Variants in CD96 observed in about 807,000 individuals in gnomAD.
CD96 encodes the protein T-cell surface protein tactile.
CD96 carries 70 observed loss-of-function variants against 71.3 expected under a neutral mutation model. That is an observed-to-expected ratio of 0.98 (90% CI 0.81 to 1.20). The LOEUF (loss-of-function observed/expected upper bound fraction) is 1.20. Among genes scored for constraint, CD96 ranks in the 50% most tolerant of loss-of-function variants. The pLI is 0.00. For missense variants in CD96, 742 were observed against 677.5 expected (o/e 1.10, Z -1.06); for synonymous variants, 248 against 233.0 (o/e 1.06, Z -0.59).
intron 10 of CD96, chr3:111,633,615 T>G (rs982213464): frequency 1.3e-5 from 2 of 152,264 alleles, no homozygotes; most frequent in African/African-American, 4.8e-5. Flanking sequence ...TCCCCATGGT[T>G]AAGGCATAAG....
At chr3:111,569,849 A>AC (rs1196980332) in intron 3 of CD96, among the ~76,000 whole-genome samples, 2 of 152,088 alleles carry the variant, frequency 1.3e-5, no homozygotes, top group Non-Finnish European at 2.9e-5. Context: ...ATCAATCGCT[A>AC]CCCCCAATCC....
intron 4 of CD96, among the ~76,000 whole-genome samples, chr3:111,579,731 A>G (rs1457052616): frequency 6.6e-6 from 1 of 151,884 alleles, no homozygotes; most frequent in Non-Finnish European, 1.5e-5. Flanking sequence ...TCCCATTATA[A>G]CTCATGACTC....
Position 111,579,084 on chromosome 3 carries a change from A to G in CD96, c.601A>G (p.Thr201Ala), listed in dbSNP as rs374979445. 26 of 1,608,774 alleles carry G rather than the reference A, an allele frequency of 1.6e-5. No homozygotes were observed. The highest frequency in any genetic ancestry group is 1.0e-4 in the Admixed American group (6 of 60,002). ...CCAAAATCACCTCATCAGCAATTCC[A>G]CATTACTTAAAGATAGAGTCAAGCT... The part of the protein sequence containing the change: ...ISQNHLISNS[T>A]LLKDRVKLGT... The change falls in exon 4 of 14, where the codon ACA (threonine) becomes GCA (alanine). Residue 201 changes from threonine (T) to alanine (A), a missense_variant. Transcript: ENST00000352690.
In CD96 at chr3:111,582,366, G is replaced by A. The variant is rs555205952; in HGVS notation, c.752-2957G>A. Among the ~76,000 whole-genome samples the A allele has an allele frequency of 2.0e-5, 3 of 152,300 alleles. No individual in the cohort carries two copies. The South Asian group carries it at 6.2e-4, about 32-fold the overall frequency. Reference sequence around the variant, plus strand: ...TTCTGTTCAACACGATGTACTTAATGTCTAGTTTGTGCTGGGCAGTTAAGT... The same window carrying A: ...TTCTGTTCAACACGATGTACTTAATATCTAGTTTGTGCTGGGCAGTTAAGT... On this transcript the variant is annotated intron_variant, in intron 4 of 13. Coordinates refer to ENST00000352690, the MANE Select transcript of CD96 (RefSeq NM_005816.5).
intron 2 of CD96, among the ~76,000 whole-genome samples, chr3:111,547,316 C>G (rs912144178): frequency 2.6e-5 from 4 of 152,114 alleles, no homozygotes; most frequent in African/African-American, 9.7e-5. Flanking sequence ...AAATATGAGC[C>G]CTGCTCCTTC....
At chr3:111,622,567 T>C (rs1233660007) in intron 8 of CD96, among the ~76,000 whole-genome samples, 1 of 152,216 alleles carries the variant, frequency 6.6e-6, no homozygotes. Flanking sequence ...TCATTTGATT[T>C]GATTGCCCAT....
At chr3:111,639,524 C>T (rs553313444) in intron 12 of CD96, among the ~76,000 whole-genome samples, 4 of 152,288 alleles carry the variant, frequency 2.6e-5, no homozygotes, top group Admixed American at 2.6e-4. Context: ...CCTGCCCCGA[C>T]CTGATGGTCC....
At chr3:111,557,830 AC>A (rs1472284814) in intron 2 of CD96, among the ~76,000 whole-genome samples, 1 of 128,160 alleles carries the variant, frequency 7.8e-6, no homozygotes, top group African/African-American at 3.0e-5. Context: ...GATTCTTCCT[AC>A]CCATGAGCAT....
chr3:111,594,258 T>C (rs1016748071), intron 5 of CD96: 13 of 1,509,378 alleles, frequency 8.6e-6, no homozygotes, highest in Non-Finnish European at 1.2e-5. Flanking sequence ...AAAAGCTTAT[T>C]TGAACCACAA....
chr3:111,583,395 G>A (rs546252194), intron 4 of CD96, among the ~76,000 whole-genome samples: 33 of 152,252 alleles, frequency 2.2e-4, no homozygotes, highest in African/African-American at 7.5e-4. Context: ...TCTGTTGGTG[G>A]ATCTACCATT....
At position 111,623,815 on chromosome 3, in the gene CD96, T is replaced by G; in HGVS notation, c.1242T>G (p.Thr414=). Residue 414 remains threonine (T), a synonymous_variant, in exon 9 of 14, where the codon ACT becomes ACG. Transcript: ENST00000352690. The stretch of plus-strand genomic sequence containing the variant: ...TGAGTGCCTTGAGGCCAAACACCAC[T>G]CCTCAACGTGAGTTCAGCAAAGTTT... ...VDVSALRPNT[T]PQPSNSSMTT... is the part of the protein sequence containing the mutation. 1 of 1,606,884 alleles carries G rather than the reference T, an allele frequency of 6.2e-7. No homozygotes were observed. The highest frequency in any genetic ancestry group is 1.7e-4 in the Middle Eastern group (1 of 6,040).
chr3:111,552,145 T>G (rs566112706), intron 2 of CD96, among the ~76,000 whole-genome samples: 1 of 151,918 alleles, frequency 6.6e-6, no homozygotes, highest in Non-Finnish European at 1.5e-5. Context: ...AATGAGTTTG[T>G]TTTTTTTCTT....
At chr3:111,652,863 C>T (rs1415843820), downstream of CD96, among the ~76,000 whole-genome samples, 2 of 151,888 alleles carry the variant, frequency 1.3e-5, no homozygotes, top group East Asian at 3.9e-4. Flanking sequence ...CAACCAGCAA[C>T]TCCTGTCTCT....
intron 4 of CD96, 70 bp downstream of exon 4, chr3:111,579,304 A>G: frequency 2.3e-6 from 2 of 870,414 alleles, no homozygotes; most frequent in African/African-American, 1.6e-5. Context: ...TTGAAGAGGA[A>G]GCACCCTATT....
chr3:111,607,098 T>A, intron 8 of CD96: 2 of 386,690 alleles, frequency 5.2e-6, no homozygotes, highest in South Asian at 2.6e-5. Flanking sequence ...ATCATTCTCA[T>A]GGCTTCAAAG....
chr3:111,651,861 G>A lies in CD96; in HGVS notation c.*2055G>A, dbSNP rs1392559650. 6.7e-6 allele frequency: 1 copy of A among 148,240 alleles called. No individual in the cohort carries two copies. Among genetic ancestry groups the A allele is most frequent in the African/African-American group, 2.5e-5 (1 of 39,394 alleles). 9.2% of individuals were successfully genotyped at this position (148,240 alleles called of 1,614,324 possible). ...TGTGCCACTGCACACTCCAATCTGG[G>A]TGAAAGACCGAGACTCCGCCTCAAA... On this transcript the variant is annotated 3_prime_UTR_variant, in exon 14 of 14. Coordinates refer to ENST00000352690, the MANE Select transcript of CD96 (RefSeq NM_005816.5).
intron 10 of CD96, among the ~76,000 whole-genome samples, chr3:111,635,853 G>C (rs1006852148): frequency 6.6e-6 from 1 of 152,104 alleles, no homozygotes; most frequent in Admixed American, 6.6e-5. Context: ...AGTAAGAAAG[G>C]AGTCACCATA....
At chr3:111,565,740 C>T (rs1310906540) in intron 2 of CD96, among the ~76,000 whole-genome samples, 3 of 151,216 alleles carry the variant, frequency 2.0e-5, no homozygotes, top group Non-Finnish European at 4.4e-5. Flanking sequence ...TATTTGGAAA[C>T]AGCAGTGGAG....
chr3:111,584,161 G>A (rs1477986695), intron 4 of CD96, among the ~76,000 whole-genome samples: 1 of 152,128 alleles, frequency 6.6e-6, no homozygotes, highest in African/African-American at 2.4e-5. Flanking sequence ...CAAATCTCTA[G>A]GGCATAGGCA....
Sources: allele counts gnomAD v4.1 joint callset (sites outside exome capture counted in the v4.1 genomes callset), GRCh38; gene constraint gnomAD v4.1.1; transcripts MANE v1.5; gene names NCBI Gene and HGNC (gene_info 2026-07-23, HGNC 2026-07-21).